SCIN: variants seen among roughly 807,000 people sequenced by gnomAD.
SCIN encodes the protein adseverin.
Under a neutral mutation model 91.8 loss-of-function variants are expected in SCIN, and 91 were observed. The observed-to-expected ratio is 0.99, with a 90% CI of 0.84 to 1.18. The LOEUF is 1.18. SCIN is among the 50% of genes most tolerant of loss of function. SCIN has a pLI of 0.00. For synonymous variants in SCIN, 367 were observed against 312.6 expected (o/e 1.17, Z -1.84); for missense variants, 1,087 against 863.9 (o/e 1.26, Z -3.24).
At chr7:12,582,591 C>G (rs921928926) in intron 3 of SCIN, among the ~76,000 whole-genome samples, 4 of 152,126 alleles carry the variant, frequency 2.6e-5, no homozygotes, top group African/African-American at 9.7e-5. Flanking sequence ...CATCTACACC[C>G]TAAATGGCAG....
chr7:12,643,315 C>G lies in SCIN; in HGVS notation c.1582-823C>G, dbSNP rs757596711. On this transcript the variant is annotated intron_variant, in intron 11 of 15. Coordinates refer to ENST00000297029, the MANE Select transcript of SCIN (RefSeq NM_001112706.3). ...TTAGATCTCATTTCCTGATCTCACA[C>G]CAGTCTGGGCACAGGTCTCTTGTCA... 2.6e-5 allele frequency among the ~76,000 whole-genome samples: 4 copies of G among 152,182 alleles called. No homozygotes were observed. In the South Asian group the frequency reaches 8.3e-4, roughly 32 times the overall value.
chr7:12,622,987 A>G, intron 5 of SCIN, 94 bp downstream of exon 5: 1 of 756,474 alleles, frequency 1.3e-6, no homozygotes, highest in South Asian at 1.9e-5. Flanking sequence ...TGCAGTTGAG[A>G]ACTCTCCTCA....
intron 3 of SCIN, chr7:12,596,402 G>T (rs1029297704): frequency 1.5e-5 from 7 of 455,464 alleles, no homozygotes; most frequent in East Asian, 1.4e-4. Context: ...CCTCCCTGAT[G>T]TCTGCATTCA....
chr7:12,650,926 C>G (rs927738384), intron 14 of SCIN, among the ~76,000 whole-genome samples: 2 of 152,074 alleles, frequency 1.3e-5, no homozygotes, highest in African/African-American at 4.8e-5. Flanking sequence ...CTCTTCCAGC[C>G]AAGATCCACC....
intron 11 of SCIN, among the ~76,000 whole-genome samples, chr7:12,640,890 G>A (rs1419919327): frequency 6.6e-6 from 1 of 152,144 alleles, no homozygotes; most frequent in Non-Finnish European, 1.5e-5. Flanking sequence ...GAAGGCCCTC[G>A]TTTGCCCAAG....
At chr7:12,581,249 C>G (rs1224821377) in intron 3 of SCIN, 28 bp downstream of exon 3, 4 of 1,542,912 alleles carry the variant, frequency 2.6e-6, no homozygotes, top group Non-Finnish European at 3.5e-6. Flanking sequence ...ACATCGATGT[C>G]TAAAGAAAAG....
At position 12,640,351 on chromosome 7, in the gene SCIN, G is replaced by A. The variant is rs757373352; in HGVS notation, c.1415G>A (p.Arg472Gln). 1.8e-5 allele frequency: 28 copies of A among 1,582,802 alleles called. No individual in the cohort carries two copies. The highest frequency in any genetic ancestry group is 7.2e-5 in the Admixed American group (4 of 55,724). Residue 472 changes from arginine to glutamine, a missense_variant, in exon 11 of 16, where the codon CGA (arginine) becomes CAA (glutamine). Transcript: ENST00000297029. ...RSLGGQAVQIRVSQGKEPVHL... is the reference protein window; with the variant it reads ...RSLGGQAVQIQVSQGKEPVHL... ...ATTCCCCCTCTCCCCCATCAGATCC[G>A]AGTCTCCCAAGGCAAAGAGCCTGTT... is the stretch of plus-strand genomic sequence containing the variant.
At position 12,636,181 on chromosome 7, in the gene SCIN, C is replaced by G. The variant is rs749232191; in HGVS notation, c.1410+46C>G. 8.0e-5 allele frequency: 112 copies of G among 1,401,734 alleles called. 1 individual carries two copies. The highest frequency in any genetic ancestry group is 1.0e-4 in the Non-Finnish European group (104 of 998,642). The allele number at this position is 1,401,734 out of a possible 1,614,324, so 86.8% of individuals were successfully genotyped here. A position where few individuals can be genotyped will look rare whatever the true frequency, so the allele number is the denominator to read the frequency against. On this transcript the variant is annotated intron_variant, in intron 10 of 15. Transcript: ENST00000297029. ...AAAACTCACACAAGTTAAAGTCTTG[C>G]TAGCTCAATGGATAGCTATAGCTCC...
intron 4 of SCIN, chr7:12,611,199 G>A (rs1783184700): frequency 6.6e-6 from 1 of 152,178 alleles, no homozygotes; most frequent in South Asian, 2.1e-4. Flanking sequence ...CTTTATTACT[G>A]AGTCATCTAG....
At position 12,570,909 on chromosome 7, in the gene SCIN, C is replaced by T. The variant is rs1274814121; in HGVS notation, c.123C>T (p.Tyr41=). The T allele has an allele frequency of 7.1e-6, 11 of 1,551,490 alleles. No homozygotes were observed. In the African/African-American group the frequency reaches 1.5e-4, roughly 21 times the overall value. The change falls in exon 1 of 16, where the codon TAC becomes TAT. Residue 41 remains tyrosine, a synonymous_variant. Transcript: ENST00000297029. The part of the protein sequence containing the change: ...PVPQSAHGDF[Y]VGDAYLVLHT... ...CCCAGAGCGCTCACGGCGACTTCTA[C>T]GTCGGGGATGCCTACCTGGTGCTGC...
intron 14 of SCIN, among the ~76,000 whole-genome samples, chr7:12,650,608 G>T (rs562980466): frequency 1.3e-5 from 2 of 152,054 alleles, no homozygotes; most frequent in Admixed American, 1.3e-4. Flanking sequence ...GTAAGTGACC[G>T]AAATTGCTCT....
chr7:12,639,935 G>A (rs1783824151), intron 10 of SCIN, among the ~76,000 whole-genome samples: 1 of 152,176 alleles, frequency 6.6e-6, no homozygotes, highest in Non-Finnish European at 1.5e-5. Flanking sequence ...CAAAACACGT[G>A]AGATTCTAGT....
In SCIN at chr7:12,654,684, T is replaced by A. The variant is rs1435078152; in HGVS notation, c.*1969T>A. On this transcript the variant is annotated 3_prime_UTR_variant, in exon 16 of 16. Transcript: ENST00000297029. Reference sequence around the variant, plus strand: ...AGGGTACACTGTATTTTACGATGTTTCTCTAGTTTAGCCAGTGGTTTTTCT... The same window carrying A: ...AGGGTACACTGTATTTTACGATGTTACTCTAGTTTAGCCAGTGGTTTTTCT... 1 of 152,170 alleles carries A rather than the reference T, an allele frequency of 6.6e-6. No homozygotes were observed. Among genetic ancestry groups the A allele is most frequent in the East Asian group, 1.9e-4 (1 of 5,196 alleles). The allele number at this position is 152,170 out of a possible 1,614,324, so 9.4% of individuals were successfully genotyped here.
At chr7:12,609,954 A>G (rs559668083) in intron 4 of SCIN, among the ~76,000 whole-genome samples, 1 of 152,188 alleles carries the variant, frequency 6.6e-6, no homozygotes, top group Non-Finnish European at 1.5e-5. Context: ...TTCCCAATGA[A>G]GTTTGAAGAC....
chr7:12,584,722 A>G (rs1204726445), intron 3 of SCIN, among the ~76,000 whole-genome samples: 1 of 152,244 alleles, frequency 6.6e-6, no homozygotes, highest in Non-Finnish European at 1.5e-5. Context: ...ACTTTTGAAC[A>G]ATATATTTTA....
chr7:12,591,251 G>A (rs937711925), intron 3 of SCIN, among the ~76,000 whole-genome samples: 3 of 152,156 alleles, frequency 2.0e-5, no homozygotes, highest in African/African-American at 7.2e-5. Context: ...TATAAAGAGG[G>A]CATGGAGTAA....
chr7:12,603,264 C>T (rs1392646079), intron 3 of SCIN, among the ~76,000 whole-genome samples: 2 of 152,052 alleles, frequency 1.3e-5, no homozygotes, highest in Non-Finnish European at 2.9e-5. Context: ...CCTGCCTCAG[C>T]CTTCTGAGTA....
intron 13 of SCIN, among the ~76,000 whole-genome samples, chr7:12,647,952 C>A (rs1783998221): frequency 6.6e-6 from 1 of 152,082 alleles, no homozygotes; most frequent in Admixed American, 6.5e-5. Flanking sequence ...TGGCCAACGC[C>A]CCAGTCAGCT....
At chr7:12,650,796 C>T (rs1239572657) in intron 14 of SCIN, among the ~76,000 whole-genome samples, 1 of 151,928 alleles carries the variant, frequency 6.6e-6, no homozygotes, top group African/African-American at 2.4e-5. Context: ...AGCATTTGTA[C>T]CAACATCTTA....
Sources: gnomAD v4.1 joint callset for allele counts (sites outside exome capture counted in the v4.1 genomes callset) on GRCh38, gnomAD v4.1.1 for gene constraint, MANE v1.5 for transcripts, NCBI Gene and HGNC (gene_info 2026-07-23, HGNC 2026-07-21) for gene names.